The following ABCC4 variants were observed in gnomAD, a reference collection of about 807,000 sequenced individuals.
ABCC4 encodes the protein ATP-binding cassette sub-family C member 4.
A neutral mutation model predicts 168.5 loss-of-function variants in ABCC4; 102 were observed. The observed-to-expected ratio is 0.61, with a 90% CI of 0.52 to 0.71. The LOEUF is 0.71. Among genes scored for constraint, ABCC4 ranks in the 30% least tolerant of loss-of-function variants. The pLI is 0.00. For missense variants in ABCC4, 1,402 were observed against 1,605.8 expected (o/e 0.87, Z 2.17); for synonymous variants, 617 against 590.7 (o/e 1.04, Z -0.65).
At chr13:95,167,352 T>G (rs1433195819) in intron 14 of ABCC4, among the ~76,000 whole-genome samples, 1 of 152,118 alleles carries the variant, frequency 6.6e-6, no homozygotes, top group African/African-American at 2.4e-5. Flanking sequence ...GTGTACCCCA[T>G]GAAATGAGAC....
chr13:95,292,702 G>T (rs1244235765), intron 1 of ABCC4, among the ~76,000 whole-genome samples: 1 of 152,182 alleles, frequency 6.6e-6, no homozygotes, highest in East Asian at 1.9e-4. Context: ...TTCCTGTACT[G>T]AGTGTGGGCT....
At chr13:95,198,730 T>C (rs2139654951) in intron 8 of ABCC4, among the ~76,000 whole-genome samples, 1 of 152,198 alleles carries the variant, frequency 6.6e-6, no homozygotes, top group East Asian at 1.9e-4. Context: ...AATGACAGAC[T>C]GGATAAAGAA....
At chr13:95,052,729 C>T (rs118133442) in intron 27 of ABCC4, among the ~76,000 whole-genome samples, 2,517 of 152,196 alleles carry the variant, frequency 0.017, 29 homozygotes, top group Middle Eastern at 0.061. Context: ...TATGGTCTTC[C>T]CTTACTAGAA....
chr13:95,056,081 C>T (rs1004262846), intron 26 of ABCC4, among the ~76,000 whole-genome samples: 6 of 152,118 alleles, frequency 3.9e-5, no homozygotes, highest in African/African-American at 1.2e-4. Context: ...TATCCACCAA[C>T]CTTCAGACAC....
At chr13:95,229,056 A>ATTCCCTGCATACAGGGAATATGCAT (rs1348870324) in intron 4 of ABCC4, among the ~76,000 whole-genome samples, 1 of 152,178 alleles carries the variant, frequency 6.6e-6, no homozygotes, top group East Asian at 1.9e-4. Flanking sequence ...GAGTATCCAT[A>ATTCCCTGCATACAGGGAATATGCAT]TTCCCTGCAT....
intron 19 of ABCC4, among the ~76,000 whole-genome samples, chr13:95,148,591 A>AACAC (rs55998383): frequency 0.093 from 12,026 of 129,650 alleles, 691 homozygotes; most frequent in Non-Finnish European, 0.11. Context: ...TACCCATCAC[A>AACAC]ACACACACAC....
At chr13:95,223,604 C>T (rs558364287) in intron 4 of ABCC4, among the ~76,000 whole-genome samples, 50 of 152,232 alleles carry the variant, frequency 3.3e-4, no homozygotes, top group Middle Eastern at 3.4e-3. Context: ...CGGGTTCAAG[C>T]GATTCTCCTG....
rs568761812 is a variant in ABCC4, at chr13:95,100,844, G to C, written c.2535+15078C>G. Among the ~76,000 whole-genome samples the C allele has an allele frequency of 2.0e-4, 31 of 152,250 alleles. 1 individual carries two copies. In the South Asian group the frequency reaches 6.4e-3, roughly 32 times the overall value. ...AACTAACGATCTCTTTTGTCCAATGGGGATTTGAGGGTAGGAGTTGGGGGA... is the reference window on the plus strand; with the variant it reads ...AACTAACGATCTCTTTTGTCCAATGCGGATTTGAGGGTAGGAGTTGGGGGA... On this transcript the variant is annotated intron_variant, in intron 20 of 30. Transcript: ENST00000645237.
intron 1 of ABCC4, among the ~76,000 whole-genome samples, chr13:95,259,773 C>A (rs769475972): frequency 4.0e-5 from 6 of 151,672 alleles, no homozygotes; most frequent in Non-Finnish European, 5.9e-5. Flanking sequence ...TCCACCGGTT[C>A]AATTCCACTC....
At chr13:95,166,974 G>A (rs2037295681) in intron 14 of ABCC4, among the ~76,000 whole-genome samples, 1 of 152,068 alleles carries the variant, frequency 6.6e-6, no homozygotes, top group Non-Finnish European at 1.5e-5. Context: ...ATCACCTGAG[G>A]TCAGGAGTTC....
At chr13:95,075,649 C>T (rs2033874411) in intron 21 of ABCC4, 98 bp from the exon 22 acceptor site, 6 of 1,509,434 alleles carry the variant, frequency 4.0e-6, no homozygotes, top group South Asian at 2.5e-5. Context: ...AAACAGCACA[C>T]GCAGGCCTCC....
At chr13:95,096,153 C>A in intron 20 of ABCC4, 1 of 641,418 alleles carries the variant, frequency 1.6e-6, no homozygotes. Flanking sequence ...TTGAGACCAG[C>A]CAGGACAACA....
At chr13:95,272,644 T>G (rs1467752152) in intron 1 of ABCC4, among the ~76,000 whole-genome samples, 1 of 152,058 alleles carries the variant, frequency 6.6e-6, no homozygotes, top group Non-Finnish European at 1.5e-5. Flanking sequence ...TCCCAGCACT[T>G]TGGGAGGCCA....
chr13:95,150,069 GC>G (rs767874153), intron 19 of ABCC4, among the ~76,000 whole-genome samples: 6 of 152,080 alleles, frequency 3.9e-5, no homozygotes, highest in Admixed American at 3.3e-4. Context: ...TAACATTTGG[GC>G]TCAAGCAATC....
At chr13:95,136,900 T>G (rs949807062) in intron 19 of ABCC4, among the ~76,000 whole-genome samples, 1 of 152,238 alleles carries the variant, frequency 6.6e-6, no homozygotes, top group Non-Finnish European at 1.5e-5. Context: ...GGTTCCCACA[T>G]TCATCACATT....
intron 20 of ABCC4, among the ~76,000 whole-genome samples, chr13:95,084,157 T>A (rs1389154692): frequency 2.0e-5 from 3 of 152,248 alleles, no homozygotes; most frequent in Non-Finnish European, 2.9e-5. Flanking sequence ...TATCTGGCTG[T>A]ATATTAAATA....
intron 11 of ABCC4, 93 bp from the exon 12 acceptor site, chr13:95,178,184 G>A (rs2037773437): frequency 9.0e-7 from 1 of 1,110,922 alleles, no homozygotes; most frequent in South Asian, 1.3e-5. Context: ...CCTAAACTTT[G>A]CACATTAGTT....
Position 95,301,406 on chromosome 13 carries a change from G to C in ABCC4, c.-92C>G. The stretch of plus-strand genomic sequence containing the variant: ...TCCTGGACCTCAAGCAGGGATGCTG[G>C]GGCTCCGGCCGCCACGCCTGTCCGC... On this transcript the variant is annotated 5_prime_UTR_variant, in exon 1 of 31. Coordinates refer to ENST00000645237, the MANE Select transcript of ABCC4 (RefSeq NM_005845.5). The C allele has an allele frequency of 8.5e-7, 1 of 1,172,212 alleles. No homozygotes were observed. The highest frequency in any genetic ancestry group is 1.2e-6 in the Non-Finnish European group (1 of 859,804). 72.6% of individuals were successfully genotyped at this position (1,172,212 alleles called of 1,614,324 possible). A position where few individuals can be genotyped will look rare whatever the true frequency, so the allele number is the denominator to read the frequency against.
At chr13:95,297,990 T>TA (rs113348196) in intron 1 of ABCC4, among the ~76,000 whole-genome samples, 58,686 of 151,626 alleles carry the variant, frequency 0.39, 13,913 homozygotes, top group Non-Finnish European at 0.53. Flanking sequence ...CCTCAGACTT[T>TA]AAAATCCCTC....
Sources: gnomAD v4.1 joint callset for allele counts (sites outside exome capture counted in the v4.1 genomes callset) on GRCh38, gnomAD v4.1.1 for gene constraint, MANE v1.5 for transcripts, NCBI Gene and HGNC (gene_info 2026-07-23, HGNC 2026-07-21) for gene names.